Variants in LRRC37A observed in about 807,000 individuals in gnomAD.
LRRC37A encodes the protein leucine rich repeat containing 37A, also known as leucine-rich repeat-containing protein 37A.
Under a neutral mutation model 35.4 loss-of-function variants are expected in LRRC37A, and 3 were observed. That is an observed-to-expected ratio of 0.08 (90% confidence interval 0.04 to 0.22). LRRC37A has a LOEUF of 0.22. LRRC37A is among the 10% of genes least tolerant of loss of function. The pLI, the probability that LRRC37A is intolerant of heterozygous loss-of-function variation, is 1.00. For missense variants in LRRC37A, 67 were observed against 565.3 expected (o/e 0.12, Z 8.94); for synonymous variants, 23 against 215.0 (o/e 0.11, Z 7.81).
At chr17:46,267,231 C>T in the LRRC37A span, 1 of 745,514 alleles carries the variant, frequency 1.3e-6, no homozygotes, top group Middle Eastern at 2.9e-4. Context: ...CCCAGGGCGC[C>T]CGACCCATGC....
At chr17:46,275,520 T>G in the LRRC37A span, 23 of 582,878 alleles carry the variant, frequency 3.9e-5, no homozygotes, top group Non-Finnish European at 6.5e-5. Flanking sequence ...AGCAGCCATG[T>G]TCTTTCATTC....
At chr17:46,255,876 C>T in the LRRC37A span, among the ~76,000 whole-genome samples, 12 of 149,040 alleles carry the variant, frequency 8.1e-5, no homozygotes, top group Non-Finnish European at 6.0e-5. Flanking sequence ...GGGGTTTCAC[C>T]GTGTTAGCCA....
At chr17:46,291,533 A>C (rs1389633062), upstream of LRRC37A, among the ~76,000 whole-genome samples, 2 of 151,862 alleles carry the variant, frequency 1.3e-5, no homozygotes, top group African/African-American at 4.9e-5. Flanking sequence ...ACTGGGCTAC[A>C]CTGGGCTTCA....
At chr17:46,268,504 G>T in the LRRC37A span, 1 of 1,375,090 alleles carries the variant, frequency 7.3e-7, no homozygotes, top group Non-Finnish European at 9.5e-7. Flanking sequence ...TTTTGTCCAG[G>T]CAGCAGGTAT....
chr17:46,263,500 G>A, the LRRC37A span, among the ~76,000 whole-genome samples: 2 of 139,946 alleles, frequency 1.4e-5, no homozygotes, highest in Admixed American at 1.6e-4. Context: ...GCAGTGAGCT[G>A]AGATCACACC....
chr17:46,261,743 A>G, the LRRC37A span, among the ~76,000 whole-genome samples: 2 of 152,122 alleles, frequency 1.3e-5, no homozygotes, highest in South Asian at 4.1e-4. Context: ...ACTAAAAAAA[A>G]AAAAAAGAAG....
At chr17:46,317,003 G>A (rs921026189) in intron 5 of LRRC37A, among the ~76,000 whole-genome samples, 2 of 96,596 alleles carry the variant, frequency 2.1e-5, no homozygotes, top group Non-Finnish European at 5.1e-5. Context: ...AGTCTTCTAT[G>A]TCTACTTCTT....
chr17:46,254,085 T>C, the LRRC37A span, among the ~76,000 whole-genome samples: 1 of 152,198 alleles, frequency 6.6e-6, no homozygotes, highest in South Asian at 2.1e-4. Flanking sequence ...GTAAGGACAG[T>C]GCCTCATCCT....
chr17:46,264,961 TAAAG>T, the LRRC37A span, among the ~76,000 whole-genome samples: 1 of 152,020 alleles, frequency 6.6e-6, no homozygotes, highest in East Asian at 1.9e-4. Context: ...TTGACTTAAA[TAAAG>T]AGCACGTGAA....
intron 5 of LRRC37A, among the ~76,000 whole-genome samples, chr17:46,314,454 G>A (rs1424756564): frequency 1.2e-5 from 1 of 81,126 alleles, no homozygotes; most frequent in Admixed American, 1.3e-4. Context: ...ATGTTCAGGT[G>A]ACGCCATTGC....
the LRRC37A span, among the ~76,000 whole-genome samples, chr17:46,257,572 G>A: frequency 6.6e-6 from 1 of 151,806 alleles, no homozygotes; most frequent in Non-Finnish European, 1.5e-5. Context: ...CCAGCACTTT[G>A]GGAGCCTGAA....
the LRRC37A span, among the ~76,000 whole-genome samples, chr17:46,276,466 C>T: frequency 1.3e-5 from 2 of 152,190 alleles, no homozygotes; most frequent in Non-Finnish European, 2.9e-5. Flanking sequence ...ACAGTGACCC[C>T]AACATCCAGT....
intron 5 of LRRC37A, among the ~76,000 whole-genome samples, chr17:46,314,567 C>T (rs1172298838): frequency 2.6e-5 from 2 of 77,376 alleles, no homozygotes; most frequent in African/African-American, 6.6e-5. Context: ...AGATGATCCA[C>T]CTGCTTCAGC....
the LRRC37A span, among the ~76,000 whole-genome samples, chr17:46,254,193 G>A: frequency 3.3e-5 from 5 of 152,120 alleles, no homozygotes; most frequent in Admixed American, 3.3e-4. Context: ...ATGCTAGAAT[G>A]AGTCCAGGAA....
At chr17:46,279,528 G>A in the LRRC37A span, among the ~76,000 whole-genome samples, 9 of 146,042 alleles carry the variant, frequency 6.2e-5, no homozygotes, top group Non-Finnish European at 1.0e-4. Flanking sequence ...TTGAGATAGG[G>A]TCTTGTTGTG....
the LRRC37A span, among the ~76,000 whole-genome samples, chr17:46,282,894 G>A: frequency 1.3e-5 from 2 of 152,156 alleles, no homozygotes; most frequent in East Asian, 3.9e-4. Flanking sequence ...CGAAGCGAGC[G>A]GATCACCTGA....
In LRRC37A at chr17:46,314,796, G is replaced by A; in HGVS notation, c.2907-7526G>A. Among the ~76,000 whole-genome samples, 2 of 82,192 alleles carry A rather than the reference G, an allele frequency of 2.4e-5. 1 individual carries two copies. The allele number at this position is 82,192 out of a possible 152,430, so 53.9% of individuals were successfully genotyped here. ...CTACATTCGTAAGAAATACTGGTCT[G>A]TAATTTTTTGTGTGTGATGTCTTTA... is the stretch of plus-strand genomic sequence containing the variant. On this transcript the variant is annotated intron_variant, in intron 5 of 13. Coordinates refer to ENST00000320254, the Ensembl canonical transcript of LRRC37A.
chr17:46,275,431 G>T, the LRRC37A span: 1 of 917,338 alleles, frequency 1.1e-6, no homozygotes, highest in South Asian at 1.4e-5. Flanking sequence ...ACAGAGTATA[G>T]AAAAAGGGAA....
chr17:46,323,954 CATT>C (rs2051552559), intron 7 of LRRC37A, among the ~76,000 whole-genome samples: 2 of 101,472 alleles, frequency 2.0e-5, no homozygotes, highest in African/African-American at 3.2e-5. Context: ...TGTATACAAA[CATT>C]ATGTCATTTC....
Sources: allele counts gnomAD v4.1 joint callset (sites outside exome capture counted in the v4.1 genomes callset), GRCh38; gene constraint gnomAD v4.1.1; transcripts MANE v1.5; gene names NCBI Gene and HGNC (gene_info 2026-07-23, HGNC 2026-07-21).